TMEM108: variants seen among roughly 807,000 people sequenced by gnomAD.
The protein encoded by TMEM108 is transmembrane protein 108.
A neutral mutation model predicts 35.1 loss-of-function variants in TMEM108; 12 were observed. The observed-to-expected ratio is 0.34, with a 90% CI of 0.22 to 0.55. The LOEUF (loss-of-function observed/expected upper bound fraction) is 0.55, where lower values mean the gene tolerates loss of function less well. Among genes scored for constraint, TMEM108 ranks in the 20% least tolerant of loss-of-function variants. The pLI, the probability that TMEM108 is intolerant of heterozygous loss-of-function variation, is 0.89. For missense variants in TMEM108, 680 were observed against 753.3 expected (o/e 0.90, Z 1.14); for synonymous variants, 287 against 308.6 (o/e 0.93, Z 0.73).
At chr3:133,306,394 T>G (rs1439180691) in intron 3 of TMEM108, among the ~76,000 whole-genome samples, 10 of 152,192 alleles carry the variant, frequency 6.6e-5, no homozygotes, top group Non-Finnish European at 1.2e-4. Flanking sequence ...TACTTTAAGT[T>G]CTAGGGTACA....
intron 3 of TMEM108, among the ~76,000 whole-genome samples, chr3:133,301,200 G>A (rs183029498): frequency 1.4e-3 from 214 of 152,248 alleles, no homozygotes; most frequent in Middle Eastern, 3.4e-3. Flanking sequence ...CTAATGCCAA[G>A]CAAGGTGCCT....
chr3:133,392,342 T>C (rs1263512447), intron 5 of TMEM108, among the ~76,000 whole-genome samples: 1 of 152,078 alleles, frequency 6.6e-6, no homozygotes, highest in Non-Finnish European at 1.5e-5. Context: ...TTTGTGTTTT[T>C]AGTAGAGACA....
At chr3:133,219,531 G>C (rs1945957230) in intron 2 of TMEM108, among the ~76,000 whole-genome samples, 1 of 151,760 alleles carries the variant, frequency 6.6e-6, no homozygotes, top group Admixed American at 6.6e-5. Flanking sequence ...TTCAAGCTTT[G>C]GTGTAGTATG....
At chr3:133,093,763 T>TAAAA (rs1943977733) in intron 2 of TMEM108, among the ~76,000 whole-genome samples, 5 of 152,158 alleles carry the variant, frequency 3.3e-5, no homozygotes, top group African/African-American at 1.2e-4. Context: ...AAAACATTTT[T>TAAAA]ATGCCTTTCT....
At chr3:133,277,822 C>G (rs1946858535) in intron 3 of TMEM108, among the ~76,000 whole-genome samples, 1 of 152,186 alleles carries the variant, frequency 6.6e-6, no homozygotes, top group Admixed American at 6.5e-5. Context: ...CATAGAAAGA[C>G]CATGACTTGA....
intron 2 of TMEM108, among the ~76,000 whole-genome samples, chr3:133,113,152 G>A (rs1408873787): frequency 6.6e-6 from 1 of 152,136 alleles, no homozygotes; most frequent in African/African-American, 2.4e-5. Context: ...TTGGAAGGAA[G>A]GTTGTAGACA....
intron 2 of TMEM108, among the ~76,000 whole-genome samples, chr3:133,168,046 T>C (rs62280318): frequency 0.3 from 44,886 of 152,078 alleles, 7,090 homozygotes; most frequent in Admixed American, 0.45. Context: ...GTCTGTTTTG[T>C]CAGTCTTATG....
intron 2 of TMEM108, among the ~76,000 whole-genome samples, chr3:133,100,212 G>A (rs1944070082): frequency 6.6e-6 from 1 of 152,216 alleles, no homozygotes; most frequent in Non-Finnish European, 1.5e-5. Context: ...TCACTATCAT[G>A]AGAATAGCAG....
At chr3:133,154,725 G>A (rs546810246) in intron 2 of TMEM108, among the ~76,000 whole-genome samples, 1 of 152,176 alleles carries the variant, frequency 6.6e-6, no homozygotes, top group South Asian at 2.1e-4. Context: ...GTGGGGGGAC[G>A]GGGAAGGGAT....
intron 3 of TMEM108, among the ~76,000 whole-genome samples, chr3:133,359,034 A>T (rs2072264915): frequency 6.6e-6 from 1 of 152,212 alleles, no homozygotes; most frequent in African/African-American, 2.4e-5. Context: ...CCGTTCATTT[A>T]CATCAGATCT....
At position 133,357,638 on chromosome 3, in the gene TMEM108, G is replaced by A. The variant is rs936684760; in HGVS notation, c.41-22114G>A. 7.9e-5 allele frequency among the ~76,000 whole-genome samples: 12 copies of A among 152,312 alleles called. 1 individual carries two copies. The highest frequency in any genetic ancestry group is 7.2e-4 in the Admixed American group (11 of 15,290). Reference sequence around the variant, plus strand: ...AATGTGATTTGCAGCAACTTGGATGGAGCTGGAGTCCATTATTCCAAGTGA... The same window carrying A: ...AATGTGATTTGCAGCAACTTGGATGAAGCTGGAGTCCATTATTCCAAGTGA... On this transcript the variant is annotated intron_variant, in intron 3 of 5. Transcript: ENST00000321871.
At chr3:133,257,698 C>G (rs763929337) in intron 3 of TMEM108, among the ~76,000 whole-genome samples, 18 of 152,274 alleles carry the variant, frequency 1.2e-4, no homozygotes, top group Middle Eastern at 3.4e-3. Context: ...AGTAAAGGAG[C>G]AAATGAAAAG....
chr3:133,323,234 A>G (rs1240138615), intron 3 of TMEM108, among the ~76,000 whole-genome samples: 1 of 152,166 alleles, frequency 6.6e-6, no homozygotes, highest in Non-Finnish European at 1.5e-5. Flanking sequence ...CTGTTCCCCA[A>G]TGATATGATT....
At chr3:133,393,201 G>A (rs1036090138) in intron 5 of TMEM108, among the ~76,000 whole-genome samples, 3 of 152,144 alleles carry the variant, frequency 2.0e-5, no homozygotes, top group Admixed American at 1.3e-4. Context: ...AATTCCTTCA[G>A]GTCTCTGTTC....
intron 2 of TMEM108, among the ~76,000 whole-genome samples, chr3:133,190,142 A>G (rs1302776713): frequency 6.6e-6 from 1 of 152,208 alleles, no homozygotes; most frequent in Non-Finnish European, 1.5e-5. Context: ...TAACTTTGAT[A>G]TCATATGAAA....
intron 2 of TMEM108, among the ~76,000 whole-genome samples, chr3:133,159,186 C>G (rs957780679): frequency 6.6e-6 from 1 of 152,228 alleles, no homozygotes; most frequent in African/African-American, 2.4e-5. Context: ...GCGAGCTGCT[C>G]TGTGTGTCCC....
chr3:133,229,374 C>G (rs759440126), intron 3 of TMEM108, 23 bp downstream of exon 3: 2 of 1,610,570 alleles, frequency 1.2e-6, no homozygotes, highest in Non-Finnish European at 8.5e-7. Flanking sequence ...TGTATTTCTT[C>G]TTTCCTAAAA....
rs190805674 is a variant in TMEM108, at chr3:133,281,278, A to G, written c.40+51927A>G. 5.6e-4 allele frequency among the ~76,000 whole-genome samples: 85 copies of G among 152,362 alleles called. 1 individual carries two copies. Among genetic ancestry groups the G allele is most frequent in the African/African-American group, 1.9e-3 (81 of 41,580 alleles). On this transcript the variant is annotated intron_variant, in intron 3 of 5. Transcript: ENST00000321871. ...AGATCAAAGCGGGAAAATGAGAGCC[A>G]GGGCCTGGTCATTCTGTTGGAGTTT...
At chr3:133,290,196 G>A (rs181824177) in intron 3 of TMEM108, among the ~76,000 whole-genome samples, 106 of 152,302 alleles carry the variant, frequency 7.0e-4, no homozygotes, top group African/African-American at 2.5e-3. Flanking sequence ...TAGACAAGGT[G>A]ACCAGGGAAG....
Sources: gnomAD v4.1 joint callset for allele counts (sites outside exome capture counted in the v4.1 genomes callset) on GRCh38, gnomAD v4.1.1 for gene constraint, MANE v1.5 for transcripts, NCBI Gene and HGNC (gene_info 2026-07-23, HGNC 2026-07-21) for gene names.